NRXN3: variants seen among roughly 807,000 people sequenced by gnomAD.
NRXN3 encodes neurexin III.
NRXN3 carries 32 observed loss-of-function variants against 137.6 expected under a neutral mutation model. The ratio of observed to expected loss-of-function variants is 0.23; its 90% confidence interval spans 0.18 to 0.31. The LOEUF (loss-of-function observed/expected upper bound fraction) is 0.31, where lower values mean the gene tolerates loss of function less well. Among genes scored for constraint, NRXN3 ranks in the 10% least tolerant of loss-of-function variants. The pLI, the probability that NRXN3 is intolerant of heterozygous loss-of-function variation, is 1.00. For missense variants in NRXN3, 1,574 were observed against 2,062.5 expected (o/e 0.76, Z 4.59); for synonymous variants, 798 against 784.5 (o/e 1.02, Z -0.29).
intron 3 of NRXN3, among the ~76,000 whole-genome samples, chr14:78,287,723 G>A (rs1389544537): frequency 6.6e-6 from 1 of 152,104 alleles, no homozygotes; most frequent in Non-Finnish European, 1.5e-5. Flanking sequence ...ACACAGAATA[G>A]CTCTAATTAC....
intron 4 of NRXN3, among the ~76,000 whole-genome samples, chr14:78,349,530 C>T (rs2083198313): frequency 6.6e-6 from 1 of 152,222 alleles, no homozygotes; most frequent in Non-Finnish European, 1.5e-5. Context: ...AAGTAGCTCT[C>T]TATCTAAATG....
chr14:79,774,600 A>G (rs943385572), intron 19 of NRXN3, among the ~76,000 whole-genome samples: 1 of 152,188 alleles, frequency 6.6e-6, no homozygotes, highest in Non-Finnish European at 1.5e-5. Flanking sequence ...CTTCGCATTC[A>G]TTATCAGACT....
chr14:78,738,918 G>GA (rs1238759466), intron 8 of NRXN3, among the ~76,000 whole-genome samples: 4 of 152,208 alleles, frequency 2.6e-5, no homozygotes, highest in Admixed American at 1.3e-4. Flanking sequence ...TGGGCCCACA[G>GA]AAAAAAACCC....
At chr14:79,693,319 C>G (rs1328678537) in intron 18 of NRXN3, among the ~76,000 whole-genome samples, 2 of 151,956 alleles carry the variant, frequency 1.3e-5, no homozygotes, top group African/African-American at 2.4e-5. Context: ...GAGCAAAGGA[C>G]TACTACAGTT....
At chr14:78,952,047 TTG>T (rs572977342) in intron 10 of NRXN3, among the ~76,000 whole-genome samples, 2 of 152,154 alleles carry the variant, frequency 1.3e-5, no homozygotes, top group Non-Finnish European at 2.9e-5. Flanking sequence ...GCTGGGTCAC[TTG>T]TCTTTCTCAC....
Position 78,766,550 on chromosome 14 carries a change from C to A in NRXN3, c.2045-37070C>A, listed in dbSNP as rs991172261. 2.6e-5 allele frequency among the ~76,000 whole-genome samples: 4 copies of A among 152,180 alleles called. No homozygotes were observed. In the South Asian group the frequency reaches 8.3e-4, roughly 32 times the overall value. On this transcript the variant is annotated intron_variant, in intron 8 of 20. Coordinates refer to ENST00000335750, the MANE Select transcript of NRXN3 (RefSeq NM_001330195.2). ...CAAGTTGATTGTGGATATCTGAAAT[C>A]AAATTTAATTACATGTGATGGATCA...
chr14:78,257,193 A>G (rs2069783739), intron 2 of NRXN3, among the ~76,000 whole-genome samples: 1 of 152,268 alleles, frequency 6.6e-6, no homozygotes, highest in Admixed American at 6.5e-5. Flanking sequence ...CGTTTTGTGT[A>G]AGAGAGCAAA....
intron 10 of NRXN3, among the ~76,000 whole-genome samples, chr14:78,880,928 C>A (rs545477160): frequency 6.6e-6 from 1 of 152,258 alleles, no homozygotes; most frequent in East Asian, 1.9e-4. Context: ...TTCCCATAAT[C>A]CCCATGTATC....
chr14:78,283,604 G>C (rs148559824), intron 3 of NRXN3, among the ~76,000 whole-genome samples: 14 of 151,984 alleles, frequency 9.2e-5, no homozygotes, highest in African/African-American at 3.4e-4. Context: ...TGCCTCCCGG[G>C]TTCAAGCAAT....
chr14:79,253,151 T>G (rs1018774958), intron 15 of NRXN3, among the ~76,000 whole-genome samples: 2 of 152,196 alleles, frequency 1.3e-5, no homozygotes, highest in African/African-American at 4.8e-5. Context: ...TTCTCCTGCC[T>G]TGTCTGTGTG....
At chr14:79,506,946 T>A (rs1370829666) in intron 16 of NRXN3, among the ~76,000 whole-genome samples, 1 of 152,166 alleles carries the variant, frequency 6.6e-6, no homozygotes. Context: ...GACCTCTTCT[T>A]TGAAACTCCA....
chr14:79,469,632 G>A (rs906005279), intron 16 of NRXN3, among the ~76,000 whole-genome samples: 4 of 152,148 alleles, frequency 2.6e-5, no homozygotes, highest in African/African-American at 4.8e-5. Flanking sequence ...ACAGCCGATT[G>A]CTTAAACGTT....
At chr14:78,253,585 G>T (rs1483591933) in intron 2 of NRXN3, among the ~76,000 whole-genome samples, 2 of 152,060 alleles carry the variant, frequency 1.3e-5, no homozygotes, top group Non-Finnish European at 2.9e-5. Flanking sequence ...TGAGGTGGGA[G>T]GATCGCTTGA....
intron 4 of NRXN3, among the ~76,000 whole-genome samples, chr14:78,329,315 G>A (rs1389424956): frequency 2.0e-5 from 3 of 152,130 alleles, no homozygotes; most frequent in South Asian, 4.1e-4. Flanking sequence ...TCTGCAACAC[G>A]AGGGCTTGAG....
At chr14:79,130,823 A>T (rs1471601212) in intron 15 of NRXN3, among the ~76,000 whole-genome samples, 1 of 151,998 alleles carries the variant, frequency 6.6e-6, no homozygotes, top group Non-Finnish European at 1.5e-5. Context: ...CACCAATCAG[A>T]CGTAGATTTG....
At chr14:79,767,092 A>G (rs565757748) in intron 19 of NRXN3, among the ~76,000 whole-genome samples, 1 of 152,340 alleles carries the variant, frequency 6.6e-6, no homozygotes, top group Non-Finnish European at 1.5e-5. Flanking sequence ...TGTAAAAATT[A>G]CTGCAATGAC....
intron 4 of NRXN3, among the ~76,000 whole-genome samples, chr14:78,302,952 G>C (rs1324372486): frequency 6.6e-6 from 1 of 152,116 alleles, no homozygotes; most frequent in Non-Finnish European, 1.5e-5. Flanking sequence ...TTCTGCCTCT[G>C]TTCTCTTCTA....
chr14:78,899,593 T>C (rs755911102), intron 10 of NRXN3, among the ~76,000 whole-genome samples: 6 of 152,044 alleles, frequency 3.9e-5, no homozygotes, highest in Non-Finnish European at 8.8e-5. Flanking sequence ...AGGGTTATTA[T>C]GAATACCTGT....
At chr14:78,550,397 A>C (rs548435771) in intron 4 of NRXN3, among the ~76,000 whole-genome samples, 1 of 152,024 alleles carries the variant, frequency 6.6e-6, no homozygotes, top group Non-Finnish European at 1.5e-5. Context: ...CTTCTCCCCA[A>C]TGAACCCATG....
Sources: gnomAD v4.1 joint callset for allele counts (sites outside exome capture counted in the v4.1 genomes callset) on GRCh38, gnomAD v4.1.1 for gene constraint, MANE v1.5 for transcripts, NCBI Gene and HGNC (gene_info 2026-07-23, HGNC 2026-07-21) for gene names.